The following ADARB2 variants were observed in gnomAD, a reference collection of about 807,000 sequenced individuals.
ADARB2 encodes adenosine deaminase RNA specific B2 (inactive).
ADARB2 carries 25 observed loss-of-function variants against 62.2 expected under a neutral mutation model. The observed-to-expected ratio is 0.40, with a 90% CI of 0.29 to 0.56. The LOEUF is 0.56. ADARB2 is among the 20% of genes least tolerant of loss of function. The pLI is 0.43. For synonymous variants in ADARB2, 572 were observed against 500.8 expected (o/e 1.14, Z -1.90); for missense variants, 1,071 against 1,077.4 (o/e 0.99, Z 0.08).
chr10:1,556,820 G>A (rs780421834), intron 1 of ADARB2: 4 of 534,394 alleles, frequency 7.5e-6, no homozygotes, highest in Admixed American at 1.9e-5. Flanking sequence ...ATATGCTGCA[G>A]ACACTTGCTC....
At chr10:1,200,930 G>C (rs1390324435) in intron 7 of ADARB2, among the ~76,000 whole-genome samples, 1 of 152,128 alleles carries the variant, frequency 6.6e-6, no homozygotes, top group Non-Finnish European at 1.5e-5. Context: ...TCCACTGTTA[G>C]AGCAATTACT....
intron 3 of ADARB2, among the ~76,000 whole-genome samples, chr10:1,308,811 T>G (rs1254855675): frequency 6.6e-6 from 1 of 151,970 alleles, no homozygotes; most frequent in Non-Finnish European, 1.5e-5. Flanking sequence ...TCTATTTCTA[T>G]TTTTTTTAGA....
At chr10:1,558,453 C>G (rs1400496520) in intron 1 of ADARB2, among the ~76,000 whole-genome samples, 9 of 126,858 alleles carry the variant, frequency 7.1e-5, no homozygotes, top group Admixed American at 5.7e-4. Flanking sequence ...AAATCCACAT[C>G]CCACCTCTGC....
At chr10:1,556,922 T>C (rs1211263860) in intron 1 of ADARB2, 2 of 458,412 alleles carry the variant, frequency 4.4e-6, no homozygotes, top group Non-Finnish European at 9.1e-6. Context: ...TCACTATTTT[T>C]GGTGACCTCA....
rs145034073 is a variant in ADARB2 at position 1,440,743 on chromosome 10, T to C, written c.101-61583A>G. Among the ~76,000 whole-genome samples, 442 of 152,332 alleles carry C rather than the reference T, an allele frequency of 2.9e-3. 4 individuals carry two copies. Among genetic ancestry groups the C allele is most frequent in the African/African-American group, 9.7e-3 (402 of 41,578 alleles). On this transcript the variant is annotated intron_variant, in intron 1 of 9. Coordinates refer to ENST00000381312, the MANE Select transcript of ADARB2 (RefSeq NM_018702.4). ...GTGTTAACTGTAAAGTGGTTCCTAA[T>C]GTGTTTCCAAAGTCCAACAGAACAA...
At chr10:1,209,855 G>T (rs1337195443) in intron 7 of ADARB2, among the ~76,000 whole-genome samples, 1 of 152,238 alleles carries the variant, frequency 6.6e-6, no homozygotes, top group African/African-American at 2.4e-5. Flanking sequence ...GACATCAGAT[G>T]ATGTGTAAGG....
chr10:1,339,745 C>T (rs1832005876), intron 3 of ADARB2, among the ~76,000 whole-genome samples: 1 of 152,228 alleles, frequency 6.6e-6, no homozygotes, highest in African/African-American at 2.4e-5. Context: ...CCACTGGGAG[C>T]TCAGAGGATG....
chr10:1,629,410 T>TC (rs1833814744), intron 1 of ADARB2, among the ~76,000 whole-genome samples: 2 of 151,884 alleles, frequency 1.3e-5, no homozygotes, highest in South Asian at 4.2e-4. Flanking sequence ...CTAATTCACT[T>TC]CCCCCATTAC....
At position 1,255,617 on chromosome 10, in the gene ADARB2, G is replaced by A. The variant is rs1205343286; in HGVS notation, c.1193-13318C>T. On this transcript the variant is annotated intron_variant, in intron 4 of 9. Transcript: ENST00000381312. The surrounding 1 kb of genome is among the most constrained non-coding windows in gnomAD (Gnocchi z 4.7). ...ACGCTCTTTGCTGTTCCCCATCAGG[G>A]AATGGAACTTCTCCAAACCTGATGG... Among the ~76,000 whole-genome samples, 1 of 152,240 alleles carries A rather than the reference G, an allele frequency of 6.6e-6. No individual in the cohort carries two copies. Among genetic ancestry groups the A allele is most frequent in the Non-Finnish European group, 1.5e-5 (1 of 68,042 alleles).
intron 3 of ADARB2, among the ~76,000 whole-genome samples, chr10:1,312,596 A>G (rs1284155070): frequency 6.6e-6 from 1 of 152,234 alleles, no homozygotes; most frequent in East Asian, 1.9e-4. Context: ...GGTGATAAGC[A>G]TGCACATCTC....
chr10:1,200,335 G>C, intron 7 of ADARB2, 188 bp from the exon 8 acceptor site: 2 of 741,380 alleles, frequency 2.7e-6, no homozygotes, highest in Non-Finnish European at 2.4e-6. Flanking sequence ...CTGTTGCCTG[G>C]GACTGGGCTC....
At chr10:1,342,384 C>T (rs555146747) in intron 3 of ADARB2, among the ~76,000 whole-genome samples, 5 of 152,344 alleles carry the variant, frequency 3.3e-5, no homozygotes, top group South Asian at 2.1e-4. Flanking sequence ...CTACCATGCA[C>T]GCCGCTTGGT....
chr10:1,569,516 C>T (rs918563741), intron 1 of ADARB2, among the ~76,000 whole-genome samples: 1 of 152,168 alleles, frequency 6.6e-6, no homozygotes, highest in African/African-American at 2.4e-5. Flanking sequence ...CAAAGGTTGC[C>T]TCTGGGTTCT....
chr10:1,377,452 A>ATG (rs374642010), intron 2 of ADARB2, among the ~76,000 whole-genome samples: 30 of 83,852 alleles, frequency 3.6e-4, no homozygotes, highest in East Asian at 4.5e-4. Context: ...GGGTGTGCAT[A>ATG]TGTGTGTGTG....
At chr10:1,306,577 A>G (rs1831631656) in intron 3 of ADARB2, among the ~76,000 whole-genome samples, 1 of 150,668 alleles carries the variant, frequency 6.6e-6, no homozygotes, top group Admixed American at 6.6e-5. Flanking sequence ...TTCATATGGA[A>G]CCAAAAAAGA....
intron 4 of ADARB2, among the ~76,000 whole-genome samples, chr10:1,264,578 A>G (rs575714420): frequency 6.6e-6 from 1 of 152,388 alleles, no homozygotes; most frequent in Admixed American, 6.5e-5. Flanking sequence ...TGGCACAGAC[A>G]GTACGGACAC....
chr10:1,200,999 T>C (rs1164719410), intron 7 of ADARB2, among the ~76,000 whole-genome samples: 1 of 152,218 alleles, frequency 6.6e-6, no homozygotes, highest in Non-Finnish European at 1.5e-5. Context: ...ACATTTCCCT[T>C]CCCGAAGCAG....
At chr10:1,674,997 A>AGGTTTGGGTTCGGGGATGCATGGATG (rs1834444592) in intron 1 of ADARB2, 2 of 101,790 alleles carry the variant, frequency 2.0e-5, no homozygotes, top group Admixed American at 3.8e-4. Flanking sequence ...GTACATGGAT[A>AGGTTTGGGTTCGGGGATGCATGGATG]TTCTGGAGGT....
Position 1,679,797 on chromosome 10 carries a change from C to T in ADARB2, c.100+57254G>A, listed in dbSNP as rs187442053. On this transcript the variant is annotated intron_variant, in intron 1 of 9. Coordinates refer to ENST00000381312, the MANE Select transcript of ADARB2 (RefSeq NM_018702.4). ...ACGACTGGATCGCTTGGGCTCAACA[C>T]GGAAACTGAGTGCAGGGGATGCCTG... is the stretch of plus-strand genomic sequence containing the variant. Among the ~76,000 whole-genome samples the T allele has an allele frequency of 4.2e-3, 644 of 152,312 alleles. 4 individuals carry two copies. Among genetic ancestry groups the T allele is most frequent in the African/African-American group, 0.014 (583 of 41,564 alleles).
Sources: gnomAD v4.1 joint callset for allele counts (sites outside exome capture counted in the v4.1 genomes callset) on GRCh38, gnomAD v4.1.1 for gene constraint, Gnocchi (gnomAD v3.1) non-coding constraint, MANE v1.5 for transcripts, NCBI Gene and HGNC (gene_info 2026-07-23, HGNC 2026-07-21) for gene names.